The following ACTR3C variants were observed in gnomAD, a reference collection of about 807,000 sequenced individuals.
The protein encoded by ACTR3C is actin related protein 3C.
A neutral mutation model predicts 26.3 loss-of-function variants in ACTR3C; 18 were observed. That is an observed-to-expected ratio of 0.68 (90% CI 0.47 to 1.01). The LOEUF (loss-of-function observed/expected upper bound fraction) is 1.01, where lower values mean the gene tolerates loss of function less well. ACTR3C is among the 50% of genes least tolerant of loss of function. The pLI is 0.00. For missense variants in ACTR3C, 184 were observed against 250.7 expected (o/e 0.73, Z 1.80); for synonymous variants, 55 against 94.5 (o/e 0.58, Z 2.42).
At chr7:149,911,214 TAAGTG>T in the ACTR3C span, among the ~76,000 whole-genome samples, 1 of 151,706 alleles carries the variant, frequency 6.6e-6, no homozygotes, top group Non-Finnish European at 1.5e-5. Context: ...TAAATATAAA[TAAGTG>T]AATTACTAAC....
the ACTR3C span, among the ~76,000 whole-genome samples, chr7:149,918,465 C>T: frequency 1.8e-4 from 28 of 152,208 alleles, no homozygotes; most frequent in Non-Finnish European, 2.6e-4. Context: ...CCGAGGCAGG[C>T]GGATCACCTG....
At chr7:150,101,973 G>C in the ACTR3C span, among the ~76,000 whole-genome samples, 1 of 151,716 alleles carries the variant, frequency 6.6e-6, no homozygotes, top group South Asian at 2.1e-4. Context: ...AGGGCAGTGG[G>C]TAGATGTCAC....
chr7:150,261,352 A>G (rs1391660519), intron 6 of ACTR3C, among the ~76,000 whole-genome samples: 4 of 152,008 alleles, frequency 2.6e-5, no homozygotes, highest in African/African-American at 9.7e-5. Flanking sequence ...TTGAAGCATT[A>G]AATTTACTTG....
At chr7:150,264,976 C>T (rs1377964482) in intron 6 of ACTR3C, 2 of 691,142 alleles carry the variant, frequency 2.9e-6, no homozygotes, top group African/African-American at 4.1e-5. Context: ...GTAACTCCAC[C>T]TTCTTAAGAC....
chr7:150,023,197 C>T, the ACTR3C span, among the ~76,000 whole-genome samples: 13 of 150,342 alleles, frequency 8.6e-5, no homozygotes, highest in South Asian at 6.3e-4. Flanking sequence ...ATATAGATAT[C>T]TATATATATC....
chr7:149,956,804 A>G, the ACTR3C span, among the ~76,000 whole-genome samples: 9 of 152,182 alleles, frequency 5.9e-5, no homozygotes, highest in African/African-American at 2.4e-5. Flanking sequence ...AGGAGTCCCA[A>G]GATATCACGA....
chr7:150,114,520 A>G, the ACTR3C span, among the ~76,000 whole-genome samples: 1 of 152,154 alleles, frequency 6.6e-6, no homozygotes, highest in African/African-American at 2.4e-5. Flanking sequence ...AGACAAATAG[A>G]AAAAAAGGCA....
the ACTR3C span, among the ~76,000 whole-genome samples, chr7:149,923,214 C>CAT: frequency 0.41 from 62,190 of 150,476 alleles, 13,260 homozygotes; most frequent in South Asian, 0.55. Context: ...TGTTTAAATA[C>CAT]ATATATATGT....
chr7:150,017,767 G>A, the ACTR3C span, among the ~76,000 whole-genome samples: 10 of 149,854 alleles, frequency 6.7e-5, 1 homozygote, highest in African/African-American at 1.3e-4. Context: ...CCATCTCTAC[G>A]TCCCCAGAAT....
the ACTR3C span, among the ~76,000 whole-genome samples, chr7:149,949,223 C>A: frequency 1.5e-4 from 21 of 141,790 alleles, no homozygotes; most frequent in African/African-American, 5.8e-4. Context: ...CACACACACA[C>A]AAATTAGCTG....
chr7:149,952,407 A>G, the ACTR3C span, among the ~76,000 whole-genome samples: 153 of 147,750 alleles, frequency 1.0e-3, 4 homozygotes, highest in Non-Finnish European at 1.7e-3. Flanking sequence ...CAGATGAATA[A>G]CTGAATTTAC....
chr7:150,043,437 C>A, the ACTR3C span, among the ~76,000 whole-genome samples: 2 of 152,192 alleles, frequency 1.3e-5, no homozygotes, highest in East Asian at 1.9e-4. Flanking sequence ...GCCCAAGAGT[C>A]AGCTTTTTTG....
the ACTR3C span, among the ~76,000 whole-genome samples, chr7:150,033,930 C>CT: frequency 6.6e-6 from 1 of 151,316 alleles, no homozygotes; most frequent in Non-Finnish European, 1.5e-5. Context: ...GTGCCTCCCC[C>CT]CCTGCGATGG....
At chr7:150,121,742 C>T in the ACTR3C span, among the ~76,000 whole-genome samples, 202 of 151,588 alleles carry the variant, frequency 1.3e-3, no homozygotes, top group Non-Finnish European at 2.3e-3. Context: ...CTTTAAATTT[C>T]ATATGGAACC....
the ACTR3C span, among the ~76,000 whole-genome samples, chr7:149,944,540 G>A: frequency 1.3e-5 from 2 of 150,590 alleles, no homozygotes; most frequent in Non-Finnish European, 2.9e-5. Flanking sequence ...GAGAGCACCT[G>A]TTCTCTCCAT....
chr7:150,235,114 C>A, the ACTR3C span, among the ~76,000 whole-genome samples: 1 of 152,174 alleles, frequency 6.6e-6, no homozygotes. Context: ...ACTATAACTC[C>A]CATCACTATT....
chr7:149,917,560 G>C, the ACTR3C span, among the ~76,000 whole-genome samples: 2 of 150,682 alleles, frequency 1.3e-5, no homozygotes, highest in Non-Finnish European at 3.0e-5. Flanking sequence ...GTCTTAAGCA[G>C]AAGGTAATGA....
At chr7:150,203,608 C>G in the ACTR3C span, among the ~76,000 whole-genome samples, 1 of 152,082 alleles carries the variant, frequency 6.6e-6, no homozygotes, top group Admixed American at 6.5e-5. Context: ...TCTTCTTGCC[C>G]AGGCTGGAGT....
intron 1 of ACTR3C, among the ~76,000 whole-genome samples, chr7:150,299,349 G>A: frequency 6.6e-6 from 1 of 150,974 alleles, no homozygotes; most frequent in East Asian, 2.0e-4. Context: ...TACTCAGGAG[G>A]CTGAGGCAGG....
Sources: allele counts gnomAD v4.1 joint callset (sites outside exome capture counted in the v4.1 genomes callset), GRCh38; gene constraint gnomAD v4.1.1; transcripts MANE v1.5; gene names NCBI Gene and HGNC (gene_info 2026-07-23, HGNC 2026-07-21).